Variants in EPB41 observed in about 807,000 individuals in gnomAD.
EPB41 encodes the protein protein 4.1.
EPB41 carries 65 observed loss-of-function variants against 108.0 expected under a neutral mutation model. The ratio of observed to expected loss-of-function variants is 0.60; its 90% CI spans 0.49 to 0.74. The LOEUF is 0.74. Ranked by LOEUF, EPB41 falls within the 30% of genes least tolerant of loss-of-function variation. EPB41 has a pLI of 0.00. For synonymous variants in EPB41, 336 were observed against 358.9 expected (o/e 0.94, Z 0.72); for missense variants, 875 against 1,037.0 (o/e 0.84, Z 2.15).
intron 1 of EPB41, among the ~76,000 whole-genome samples, chr1:28,892,797 C>CTTTTTTTTTTTTTTTTTTTTTTTT (rs995428093): frequency 1.1e-5 from 1 of 87,234 alleles, no homozygotes; most frequent in Non-Finnish European, 2.2e-5. Context: ...TTCCCAGGTT[C>CTTTTTTTTTTTTTTTTTTTTTTTT]TTTTTTTTTT....
At chr1:28,930,613 T>C (rs1176528283) in intron 1 of EPB41, among the ~76,000 whole-genome samples, 1 of 152,024 alleles carries the variant, frequency 6.6e-6, no homozygotes, top group Non-Finnish European at 1.5e-5. Flanking sequence ...GACCCCCTAG[T>C]AGCTGGGATT....
At chr1:29,088,447 G>A (rs144699659) in intron 16 of EPB41, among the ~76,000 whole-genome samples, 20 of 152,212 alleles carry the variant, frequency 1.3e-4, no homozygotes, top group African/African-American at 4.6e-4. Flanking sequence ...TTTTGTCACT[G>A]AGGATGGTTC....
intron 6 of EPB41, among the ~76,000 whole-genome samples, chr1:29,017,703 T>C (rs2096594681): frequency 6.6e-6 from 1 of 152,178 alleles, no homozygotes; most frequent in African/African-American, 2.4e-5. Context: ...ACACTTGGCA[T>C]AGCAATGTGA....
At position 28,972,407 on chromosome 1, in the gene EPB41, A is replaced by G. The variant is rs41385748; in HGVS notation, c.-7-15024A>G. 5.6e-3 allele frequency among the ~76,000 whole-genome samples: 851 copies of G among 152,328 alleles called. 7 individuals are homozygous for G. Among genetic ancestry groups the G allele is most frequent in the African/African-American group, 0.018 (729 of 41,570 alleles). ...AGACATCTTTTAAGTATATGCCTGA[A>G]TTCTCTAGAGAAGTAAAGAATGTGT... On this transcript the variant is annotated intron_variant, in intron 1 of 20. Transcript: ENST00000343067.
intron 1 of EPB41, among the ~76,000 whole-genome samples, chr1:28,953,344 C>T (rs1003257850): frequency 1.3e-5 from 2 of 151,404 alleles, no homozygotes; most frequent in African/African-American, 4.9e-5. Flanking sequence ...TTTGAATTTA[C>T]ACATAATTGA....
At chr1:28,988,585 C>T (rs1054870945) in intron 2 of EPB41, among the ~76,000 whole-genome samples, 2 of 152,152 alleles carry the variant, frequency 1.3e-5, no homozygotes, top group African/African-American at 4.8e-5. Context: ...GTCACAAACT[C>T]TTGACCTCAG....
At chr1:29,070,676 A>C (rs1558228295) in intron 16 of EPB41, 14 of 1,231,428 alleles carry the variant, frequency 1.1e-5, no homozygotes, top group Non-Finnish European at 1.4e-5. Flanking sequence ...CTTGGCTTCA[A>C]CTGTGTTATT....
chr1:29,085,452 A>G (rs1658454356), intron 16 of EPB41, among the ~76,000 whole-genome samples: 1 of 151,968 alleles, frequency 6.6e-6, no homozygotes, highest in African/African-American at 2.4e-5. Flanking sequence ...GCCAAAAACC[A>G]CATTTTAAAT....
chr1:29,035,691 A>G, intron 9 of EPB41, 135 bp from the exon 10 acceptor site: 1 of 682,924 alleles, frequency 1.5e-6, no homozygotes, highest in East Asian at 2.9e-5. Flanking sequence ...AAAATTCCAA[A>G]TGACATTTTA....
At chr1:28,927,994 T>C (rs2093547540) in intron 1 of EPB41, among the ~76,000 whole-genome samples, 1 of 152,118 alleles carries the variant, frequency 6.6e-6, no homozygotes, top group Non-Finnish European at 1.5e-5. Context: ...CTGCTTTCTT[T>C]TAATTTTCTG....
intron 15 of EPB41, among the ~76,000 whole-genome samples, chr1:29,063,214 T>A (rs1646834038): frequency 6.6e-6 from 1 of 152,208 alleles, no homozygotes; most frequent in East Asian, 1.9e-4. Context: ...TTGTTCATGC[T>A]TTTCTTTAGC....
chr1:28,896,516 C>T (rs763791408), intron 1 of EPB41, among the ~76,000 whole-genome samples: 52 of 152,316 alleles, frequency 3.4e-4, no homozygotes, highest in Non-Finnish European at 6.2e-4. Flanking sequence ...ACCGGGAGCT[C>T]GGAGTCTAGT....
chr1:29,027,193 A>G (rs997773968), intron 7 of EPB41, among the ~76,000 whole-genome samples: 1 of 152,042 alleles, frequency 6.6e-6, no homozygotes, highest in Middle Eastern at 3.2e-3. Context: ...GTGCAGTGCT[A>G]TTTACAGGTG....
intron 7 of EPB41, among the ~76,000 whole-genome samples, chr1:29,023,662 G>A (rs1005227180): frequency 2.6e-5 from 4 of 151,698 alleles, no homozygotes. Context: ...ACTCCAGCCT[G>A]GGCAACAAAA....
chr1:28,910,387 T>C (rs2092176121), upstream of EPB41, among the ~76,000 whole-genome samples: 1 of 152,188 alleles, frequency 6.6e-6, no homozygotes, highest in Non-Finnish European at 1.5e-5. Flanking sequence ...TCATATACTT[T>C]TGGTACCAGC....
chr1:29,089,945 G>A (rs979743152), intron 16 of EPB41, among the ~76,000 whole-genome samples: 1 of 152,158 alleles, frequency 6.6e-6, no homozygotes, highest in East Asian at 1.9e-4. Flanking sequence ...GAGGGCATTT[G>A]TGGTAATCTG....
intron 7 of EPB41, among the ~76,000 whole-genome samples, chr1:29,019,917 A>T (rs146034697): frequency 6.6e-6 from 1 of 152,156 alleles, no homozygotes; most frequent in Non-Finnish European, 1.5e-5. Context: ...TTGGGGTCAC[A>T]CTATTTCCAA....
intron 15 of EPB41, 147 bp downstream of exon 15, chr1:29,060,631 G>A (rs1394910139): frequency 1.4e-6 from 1 of 695,708 alleles, no homozygotes; most frequent in African/African-American, 1.8e-5. Flanking sequence ...TTTGCATGTT[G>A]GTGAACATGA....
chr1:29,001,786 A>G (rs1217537491), intron 4 of EPB41, among the ~76,000 whole-genome samples: 1 of 152,136 alleles, frequency 6.6e-6, no homozygotes, highest in Non-Finnish European at 1.5e-5. Flanking sequence ...TCAAGCGAGT[A>G]TGATCTTTTC....
Sources: gnomAD v4.1 joint callset for allele counts (sites outside exome capture counted in the v4.1 genomes callset) on GRCh38, gnomAD v4.1.1 for gene constraint, MANE v1.5 for transcripts, NCBI Gene and HGNC (gene_info 2026-07-23, HGNC 2026-07-21) for gene names.